Variants in BOD1L1 observed in about 807,000 individuals in gnomAD.
The protein encoded by BOD1L1 is biorientation of chromosomes in cell division protein 1-like 1.
In BOD1L1, 86 loss-of-function variants were observed where a neutral mutation model predicts 240.7. The observed-to-expected ratio is 0.36, with a 90% confidence interval of 0.30 to 0.43. The LOEUF is 0.43. Among genes scored for constraint, BOD1L1 ranks in the 20% least tolerant of loss-of-function variants. The pLI is 1.00. For synonymous variants in BOD1L1, 1,268 were observed against 1,272.3 expected, an observed-to-expected ratio of 1.00 and a Z score of 0.07; for missense variants, 3,554 against 3,643.5, an observed-to-expected ratio of 0.98 and a Z score of 0.63.
Position 13,615,408 on chromosome 4 carries a change from C to G in BOD1L1, c.463G>C (p.Val155Leu). ...HTFRPQVEKA[V>L]HEFLATLNHK... The stretch of plus-strand genomic sequence containing the variant: ...TTTAGCGTGGCCAAAAACTCATGCA[C>G]AGCTTTCTCTACCTGAGGTCTGAAT... Residue 155 changes from valine (V) to leucine (L), a missense_variant, in exon 3 of 26, where the codon GTG becomes CTG. Val to Leu is a conservative substitution (Grantham distance 32). Coordinates refer to ENST00000040738, the MANE Select transcript of BOD1L1 (RefSeq NM_148894.3). 1 of 1,613,858 alleles carries G rather than the reference C, an allele frequency of 6.2e-7. No homozygotes were observed. The highest frequency in any genetic ancestry group is 8.5e-7 in the Non-Finnish European group (1 of 1,179,800).
chr4:13,603,690 C>A lies in BOD1L1; in HGVS notation c.3210G>T (p.Leu1070Phe), dbSNP rs923957359. ...ACAAGCTTCCTCTCCGATTTTCGCA[C>A]AACCTTCTACTTAATTTCTTTTCCA... The part of the protein sequence containing the change: ...SLMEKKLSRR[L>F]CENRRGSLSQ... The change falls in exon 10 of 26, where the codon TTG becomes TTT. Residue 1070 changes from leucine (L) to phenylalanine (F), a missense_variant. Around this residue, in one of 2 missense-constraint regions of BOD1L1, gnomAD observed 3,393 missense variants for 3,427.1 expected, o/e 0.99. Transcript: ENST00000040738. The A allele has an allele frequency of 5.0e-6, 8 of 1,613,966 alleles. No individual in the cohort carries two copies. The highest frequency in any genetic ancestry group is 1.6e-4 in the Middle Eastern group (1 of 6,062).
Position 13,600,554 on chromosome 4 carries a change from C to T in BOD1L1, c.6346G>A (p.Glu2116Lys). 6.2e-7 allele frequency: 1 copy of T among 1,613,960 alleles called. No homozygotes were observed. Among genetic ancestry groups the T allele is most frequent in the Non-Finnish European group, 8.5e-7 (1 of 1,179,886 alleles). Residue 2116 changes from glutamate (E) to lysine (K), a missense_variant, in exon 10 of 26, where the codon GAG becomes AAG. Physicochemically the swap from Glu to Lys is moderately conservative, Grantham distance 56. Coordinates refer to ENST00000040738, the MANE Select transcript of BOD1L1 (RefSeq NM_148894.3). ...GAGACTGCACTGGGCATGGGGGCCT[C>T]AAATTCTTCTGTGGTTACTCTGGTA... is the stretch of plus-strand genomic sequence containing the variant. ...EGTRVTTEEF[E>K]APMPSAVSGD...
intron 19 of BOD1L1, among the ~76,000 whole-genome samples, chr4:13,581,755 C>T (rs921772723): frequency 6.6e-6 from 1 of 152,304 alleles, no homozygotes; most frequent in South Asian, 2.1e-4. Context: ...GCAGGCAGGG[C>T]TGGGATGCTC....
At chr4:13,582,765 C>T in intron 17 of BOD1L1, 29 bp from the exon 18 acceptor site, 1 of 1,463,010 alleles carries the variant, frequency 6.8e-7, no homozygotes, top group South Asian at 1.2e-5. Flanking sequence ...AGACTAGAAC[C>T]TTCTTCAAAC....
chr4:13,612,762 T>G (rs1031769475), intron 5 of BOD1L1, among the ~76,000 whole-genome samples: 4 of 152,046 alleles, frequency 2.6e-5, no homozygotes, highest in African/African-American at 9.7e-5. Context: ...TCTAACGATG[T>G]GATTTAGGGT....
chr4:13,587,631 C>A (rs1363474527), intron 16 of BOD1L1, 68 bp downstream of exon 16: 1 of 1,196,134 alleles, frequency 8.4e-7, no homozygotes, highest in Admixed American at 2.2e-5. Flanking sequence ...ATGTTTTTGG[C>A]TCACTCTTTT....
intron 25 of BOD1L1, chr4:13,572,965 A>ACCAACCATTTTTC: frequency 1.1e-6 from 1 of 872,734 alleles, no homozygotes; most frequent in Non-Finnish European, 1.5e-6. Flanking sequence ...AATCAGAAAA[A>ACCAACCATTTTTC]TGGTTGGTTT....
chr4:13,613,995 T>G lies in BOD1L1; in HGVS notation c.1174+201A>C, dbSNP rs2108982646. Among the ~76,000 whole-genome samples, 1 of 152,322 alleles carries G rather than the reference T, an allele frequency of 6.6e-6. No homozygotes were observed. Among genetic ancestry groups the G allele is most frequent in the African/African-American group, 2.4e-5 (1 of 41,580 alleles). ...ATAAGACAAATTATAAATTAATAAC[T>G]TCTGTTAATTTACTCTGTGAACAGA... On this transcript the variant is annotated intron_variant, in intron 4 of 25. Transcript: ENST00000040738. The surrounding 1 kb of genome is among the most constrained non-coding windows in gnomAD (Gnocchi z 4.0).
rs1443560224 is a variant in BOD1L1 at position 13,572,987 on chromosome 4, G to A, written c.9039-2859C>T. On this transcript the variant is annotated intron_variant, in intron 25 of 25. Transcript: ENST00000040738. ...AAAATGGTTGGTTTTCCTGACCACTGCTGATAAGTCGATCTTAATGTCATC... is the reference window on the plus strand; with the variant it reads ...AAAATGGTTGGTTTTCCTGACCACTACTGATAAGTCGATCTTAATGTCATC... The A allele has an allele frequency of 7.5e-6, 4 of 536,800 alleles. No individual in the cohort carries two copies. The East Asian group carries it at 2.8e-4, about 38-fold the overall frequency. 33.3% of individuals were successfully genotyped at this position (536,800 alleles called of 1,614,324 possible). A position where few individuals can be genotyped will look rare whatever the true frequency, so the allele number is the denominator to read the frequency against.
rs770068055 is a variant in BOD1L1 at position 13,602,004 on chromosome 4, A to C, written c.4896T>G (p.Ala1632=). Residue 1632 remains alanine (A), a synonymous_variant, in exon 10 of 26, where the codon GCT becomes GCG. Transcript: ENST00000040738. ...TGGCTTCGATTTTAACTGCATGCAC[A>C]GCCAGTAGGTCTGCTGCTCTGTCCT... The part of the protein sequence containing the change: ...ESEDRAADLL[A]VHAVKIEANV... 1.2e-6 allele frequency: 2 copies of C among 1,614,026 alleles called. No homozygotes were observed. Among genetic ancestry groups the C allele is most frequent in the Non-Finnish European group, 1.7e-6 (2 of 1,179,896 alleles).
At chr4:13,584,897 CTAA>C (rs1345778429) in intron 17 of BOD1L1, among the ~76,000 whole-genome samples, 4 of 152,108 alleles carry the variant, frequency 2.6e-5, no homozygotes, top group Non-Finnish European at 5.9e-5. Flanking sequence ...CCAAAAATTA[CTAA>C]TATTAAGATG....
intron 21 of BOD1L1, among the ~76,000 whole-genome samples, chr4:13,580,342 C>G (rs374107032): frequency 2.0e-5 from 3 of 152,210 alleles, no homozygotes; most frequent in South Asian, 4.1e-4. Flanking sequence ...GGCATCATAC[C>G]ACTTCACATT....
chr4:13,594,991 A>G (rs1294776362), intron 12 of BOD1L1, among the ~76,000 whole-genome samples: 2 of 152,242 alleles, frequency 1.3e-5, no homozygotes, highest in Non-Finnish European at 2.9e-5. Flanking sequence ...TCAAAACAAT[A>G]AACAGCAACA....
intron 19 of BOD1L1, among the ~76,000 whole-genome samples, chr4:13,581,697 A>C (rs1713244451): frequency 6.6e-6 from 1 of 152,204 alleles, no homozygotes; most frequent in Non-Finnish European, 1.5e-5. Context: ...GTCTCAAGCC[A>C]CTGCAATTCT....
At chr4:13,623,914 G>T (rs1717207706) in intron 1 of BOD1L1, 1 of 152,060 alleles carries the variant, frequency 6.6e-6, no homozygotes, top group Non-Finnish European at 1.5e-5. Flanking sequence ...TTAAAGTGAT[G>T]GTTCTTTGCA....
chr4:13,598,441 TACA>T (rs911675499), intron 10 of BOD1L1, among the ~76,000 whole-genome samples: 3 of 152,276 alleles, frequency 2.0e-5, no homozygotes, highest in South Asian at 2.1e-4. Context: ...CCCCATTTTA[TACA>T]ACAAGAAATG....
At chr4:13,584,230 G>A (rs1042094135) in intron 17 of BOD1L1, among the ~76,000 whole-genome samples, 2 of 152,274 alleles carry the variant, frequency 1.3e-5, no homozygotes, top group Non-Finnish European at 2.9e-5. Flanking sequence ...AGGTCAACTC[G>A]TTTGGGAAAG....
At chr4:13,578,160 C>G (rs1712920690) in intron 22 of BOD1L1, 1 of 153,176 alleles carries the variant, frequency 6.5e-6, no homozygotes, top group African/African-American at 2.4e-5. Flanking sequence ...CCTGCCTTGG[C>G]TTCCCAAAGT....
chr4:13,610,917 G>C lies in BOD1L1; in HGVS notation c.1491+17C>G, dbSNP rs201091835. The C allele has an allele frequency of 6.3e-7, 1 of 1,584,354 alleles. No homozygotes were observed. Among genetic ancestry groups the C allele is most frequent in the Admixed American group, 1.8e-5 (1 of 54,684 alleles). Reference sequence around the variant, plus strand: ...CCTGATGTAGTAGGTTAAAATAACAGAACAAACTGGACTTACAATGGACTG... The same window carrying C: ...CCTGATGTAGTAGGTTAAAATAACACAACAAACTGGACTTACAATGGACTG... On this transcript the variant is annotated intron_variant, in intron 6 of 25. Transcript: ENST00000040738.
Sources: allele counts gnomAD v4.1 joint callset (sites outside exome capture counted in the v4.1 genomes callset), GRCh38; gene constraint gnomAD v4.1.1; regional missense constraint gnomAD v4.1.1; non-coding constraint Gnocchi (gnomAD v3.1); transcripts MANE v1.5; gene names NCBI Gene and HGNC (gene_info 2026-07-23, HGNC 2026-07-21).